PRIM2: variants seen among roughly 807,000 people sequenced by gnomAD.
The protein encoded by PRIM2 is DNA primase large subunit.
Under a neutral mutation model 67.3 loss-of-function variants are expected in PRIM2, and 39 were observed. The ratio of observed to expected loss-of-function variants is 0.58; its 90% CI spans 0.45 to 0.76. The LOEUF is 0.76. Among genes scored for constraint, PRIM2 ranks in the 30% least tolerant of loss-of-function variants. The pLI, the probability that PRIM2 is intolerant of heterozygous loss-of-function variation, is 0.00. For missense variants in PRIM2, 398 were observed against 598.7 expected (o/e 0.66, Z 3.50); for synonymous variants, 143 against 198.7 (o/e 0.72, Z 2.36).
the PRIM2 span, among the ~76,000 whole-genome samples, chr6:57,266,934 A>G: frequency 6.6e-6 from 1 of 152,244 alleles, no homozygotes; most frequent in African/African-American, 2.4e-5. Context: ...AGTACTTCAC[A>G]CAGAATCCAG....
intron 5 of PRIM2, among the ~76,000 whole-genome samples, chr6:57,371,552 T>G: frequency 1.3e-5 from 2 of 152,210 alleles, no homozygotes; most frequent in East Asian, 3.8e-4. Flanking sequence ...AGGCAAGATT[T>G]ATTTGGGCAA....
At chr6:57,412,791 A>G (rs1242344384) in intron 7 of PRIM2, among the ~76,000 whole-genome samples, 2 of 152,118 alleles carry the variant, frequency 1.3e-5, no homozygotes, top group African/African-American at 4.8e-5. Flanking sequence ...AAGTTCCTGT[A>G]ATAAAAGAAA....
rs77943750 is a variant in PRIM2 at position 57,433,603 on chromosome 6, T to A, written c.693+51435T>A. ...AGAAGTTACTAAACAAACTTGACTT[T>A]AACTGCAGTTACATTATAACCTTAA... On this transcript the variant is annotated intron_variant, in intron 7 of 13. Coordinates refer to ENST00000615550, the MANE Select transcript of PRIM2 (RefSeq NM_000947.5). Among the ~76,000 whole-genome samples the A allele has an allele frequency of 1.1e-4, 16 of 152,302 alleles. No individual in the cohort carries two copies. The East Asian group carries it at 2.9e-3, about 28-fold the overall frequency.
chr6:57,228,008 T>C, the PRIM2 span, among the ~76,000 whole-genome samples: 1 of 152,230 alleles, frequency 6.6e-6, no homozygotes, highest in Non-Finnish European at 1.5e-5. Flanking sequence ...TAAAGTTATT[T>C]TGCAACCAGG....
intron 5 of PRIM2, among the ~76,000 whole-genome samples, chr6:57,367,037 C>T (rs1181986626): frequency 1.3e-5 from 2 of 151,184 alleles, no homozygotes; most frequent in Non-Finnish European, 2.9e-5. Flanking sequence ...CCAAATGTGC[C>T]TATGCTATTA....
At chr6:57,387,536 TAACTGTGCCTTTGTCAGG>T in intron 7 of PRIM2, among the ~76,000 whole-genome samples, 1 of 152,228 alleles carries the variant, frequency 6.6e-6, no homozygotes, top group Non-Finnish European at 1.5e-5. Context: ...CTTTTGATGG[TAACTGTGCCTTTGTCAGG>T]AGTTGTATAA....
the PRIM2 span, among the ~76,000 whole-genome samples, chr6:57,300,831 C>T: frequency 0.84 from 127,402 of 152,018 alleles, 53,593 homozygotes; most frequent in East Asian, 0.99. Flanking sequence ...TTTATTAAAG[C>T]ATCTTGATTC....
chr6:57,509,976 G>T (rs1405950529), intron 8 of PRIM2, among the ~76,000 whole-genome samples: 2 of 151,408 alleles, frequency 1.3e-5, no homozygotes, highest in African/African-American at 4.8e-5. Context: ...ACTTTTGCTT[G>T]TCTTTTAAAA....
At chr6:57,271,274 G>A in the PRIM2 span, among the ~76,000 whole-genome samples, 1 of 152,048 alleles carries the variant, frequency 6.6e-6, no homozygotes, top group Non-Finnish European at 1.5e-5. Flanking sequence ...TTTTTTGGTT[G>A]GTAAGCGATT....
intron 8 of PRIM2, among the ~76,000 whole-genome samples, chr6:57,512,139 T>A (rs1227432029): frequency 6.6e-6 from 1 of 152,094 alleles, no homozygotes; most frequent in African/African-American, 2.4e-5. Context: ...TGATGGGTGC[T>A]AATGGTATGG....
the PRIM2 span, among the ~76,000 whole-genome samples, chr6:57,309,444 T>A: frequency 6.6e-6 from 1 of 151,934 alleles, no homozygotes; most frequent in Non-Finnish European, 1.5e-5. Context: ...TCCAATTTCA[T>A]CCATATCCCT....
chr6:57,226,353 A>C, the PRIM2 span, among the ~76,000 whole-genome samples: 1 of 152,250 alleles, frequency 6.6e-6, no homozygotes, highest in Non-Finnish European at 1.5e-5. Flanking sequence ...TATCTGAAAG[A>C]TAAATGAGTT....
the PRIM2 span, among the ~76,000 whole-genome samples, chr6:57,222,651 C>T: frequency 1.3e-5 from 2 of 152,220 alleles, no homozygotes; most frequent in African/African-American, 4.8e-5. Flanking sequence ...AACGCACTCA[C>T]ACAGCCTGCA....
the PRIM2 span, among the ~76,000 whole-genome samples, chr6:57,227,660 A>G: frequency 2.0e-5 from 3 of 151,836 alleles, no homozygotes; most frequent in Admixed American, 6.6e-5. Context: ...AAAAAAAAAA[A>G]AAGAATAAAT....
intron 7 of PRIM2, among the ~76,000 whole-genome samples, chr6:57,481,924 G>A (rs1378778939): frequency 0.061 from 9,216 of 152,060 alleles, 381 homozygotes; most frequent in Admixed American, 0.099. Context: ...TTTTTTCCTG[G>A]CTTACATGAG....
chr6:57,388,154 G>C lies in PRIM2; in HGVS notation c.693+5986G>C, dbSNP rs540344582. Reference sequence around the variant, plus strand: ...TTGAGGTAGAGTCCCAGGGTAAAGAGTTTGATTTTTTTTTAGCCTAATGTA... The same window carrying C: ...TTGAGGTAGAGTCCCAGGGTAAAGACTTTGATTTTTTTTTAGCCTAATGTA... On this transcript the variant is annotated intron_variant, in intron 7 of 13. Coordinates refer to ENST00000615550, the MANE Select transcript of PRIM2 (RefSeq NM_000947.5). 3.9e-5 allele frequency among the ~76,000 whole-genome samples: 6 copies of C among 152,256 alleles called. No homozygotes were observed. In the East Asian group the frequency reaches 1.2e-3, roughly 29 times the overall value.
upstream of PRIM2, among the ~76,000 whole-genome samples, chr6:57,316,910 G>A (rs1767497578): frequency 6.6e-6 from 1 of 152,194 alleles, no homozygotes; most frequent in Admixed American, 6.5e-5. Context: ...CTGCGAATGT[G>A]CCTTCTTTCA....
intron 10 of PRIM2, among the ~76,000 whole-genome samples, chr6:57,539,719 C>A (rs1179982498): frequency 6.6e-6 from 1 of 150,974 alleles, no homozygotes; most frequent in Non-Finnish European, 1.5e-5. Context: ...CACAGCTGGG[C>A]AGGTTGGCTC....
At chr6:57,297,481 A>C in the PRIM2 span, among the ~76,000 whole-genome samples, 1 of 152,180 alleles carries the variant, frequency 6.6e-6, no homozygotes, top group African/African-American at 2.4e-5. Flanking sequence ...CATTTGGCAA[A>C]CATCACATTA....
Sources: gnomAD v4.1 joint callset for allele counts (sites outside exome capture counted in the v4.1 genomes callset) on GRCh38, gnomAD v4.1.1 for gene constraint, MANE v1.5 for transcripts, NCBI Gene and HGNC (gene_info 2026-07-23, HGNC 2026-07-21) for gene names.